CCN4: variants seen among roughly 807,000 people sequenced by gnomAD.
CCN4 encodes CCN family member 4.
A neutral mutation model predicts 36.7 loss-of-function variants in CCN4; 30 were observed. The observed-to-expected ratio is 0.82, with a 90% CI of 0.61 to 1.11. The LOEUF (loss-of-function observed/expected upper bound fraction) is 1.11, where lower values mean the gene tolerates loss of function less well. Ranked by LOEUF, CCN4 falls within the 50% of genes least tolerant of loss-of-function variation. The probability of loss-of-function intolerance (pLI) is 0.00; values close to 1 mark genes in which losing one functional copy is unlikely to be tolerated. For missense variants in CCN4, 505 were observed against 504.9 expected (o/e 1.00, Z 0.00); for synonymous variants, 191 against 195.4 (o/e 0.98, Z 0.19).
In CCN4 at chr8:133,220,737, AC is replaced by A. The variant is rs1256547824; in HGVS notation, c.509del (p.Pro170ArgfsTer4). 3.1e-6 allele frequency: 5 copies of A among 1,613,252 alleles called. No individual in the cohort carries two copies. The African/African-American group carries it at 6.7e-5, about 22-fold the overall frequency. ...RVRPPRLWCPHPRRVSIPGHC... is the reference protein window; with the variant it reads ...RVRPPRLWCPXPRRVSIPGHC... ...CGCCCCCCGCGTCTCTGGTGCCCCCACCCGCGGCGCGTGAGCATACCTGGCC... is the reference window on the plus strand; with the variant it reads ...CGCCCCCCGCGTCTCTGGTGCCCCCACCGCGGCGCGTGAGCATACCTGGCC... On this transcript the variant is annotated frameshift_variant, in exon 3 of 5. Transcript: ENST00000250160. LOFTEE classifies it high-confidence loss of function.
rs201677592 is a variant in CCN4, at chr8:133,212,878, C to T, written c.84C>T (p.Ala28=). ...TCCCCCCGCAGGCCCTCTCTCCAGCCCCTACGACCATGGACTTTACCCCAG... is the reference window on the plus strand; with the variant it reads ...TCCCCCCGCAGGCCCTCTCTCCAGCTCCTACGACCATGGACTTTACCCCAG... ...STVLATALSP[A]PTTMDFTPAP... The change falls in exon 2 of 5, where the codon GCC becomes GCT. Residue 28 remains alanine, a synonymous_variant. Coordinates refer to ENST00000250160, the MANE Select transcript of CCN4 (RefSeq NM_003882.4). 182 of 1,600,672 alleles carry T rather than the reference C, an allele frequency of 1.1e-4. 1 individual carries two copies. In the East Asian group the frequency reaches 1.9e-3, roughly 17 times the overall value.
At chr8:133,224,139 G>T (rs1854634862) in intron 3 of CCN4, among the ~76,000 whole-genome samples, 1 of 151,832 alleles carries the variant, frequency 6.6e-6, no homozygotes, top group South Asian at 2.1e-4. Context: ...AGGCAAGGAG[G>T]TGTGAGCTAG....
At position 133,214,853 on chromosome 8, in the gene CCN4, T is replaced by C. The variant is rs560794636; in HGVS notation, c.349+1710T>C. 1.4e-4 allele frequency among the ~76,000 whole-genome samples: 21 copies of C among 152,360 alleles called. No individual in the cohort carries two copies. The South Asian group carries it at 3.1e-3, about 23-fold the overall frequency. The stretch of plus-strand genomic sequence containing the variant: ...CCCCGTCACATAGTCACACACAACG[T>C]AGTCTCTCATCCTCAGCTAACCATT... On this transcript the variant is annotated intron_variant, in intron 2 of 4. Coordinates refer to ENST00000250160, the MANE Select transcript of CCN4 (RefSeq NM_003882.4).
chr8:133,227,341 G>C (rs1313238489), intron 4 of CCN4, 70 bp from the exon 5 acceptor site: 1 of 1,496,658 alleles, frequency 6.7e-7, no homozygotes, highest in African/African-American at 1.4e-5. Flanking sequence ...AAAAACTGGG[G>C]GCTCAGGGGA....
intron 1 of CCN4, among the ~76,000 whole-genome samples, chr8:133,192,288 C>G (rs557586389): frequency 6.6e-6 from 1 of 152,258 alleles, no homozygotes; most frequent in Non-Finnish European, 1.5e-5. Flanking sequence ...GAACTGAGGC[C>G]GAGAGCCGAC....
At chr8:133,203,956 A>T (rs927622255) in intron 1 of CCN4, among the ~76,000 whole-genome samples, 2 of 152,250 alleles carry the variant, frequency 1.3e-5, no homozygotes, top group Admixed American at 6.5e-5. Context: ...GAAATACACC[A>T]TAATAATCAG....
At chr8:133,206,270 T>G (rs1853768352) in intron 1 of CCN4, among the ~76,000 whole-genome samples, 1 of 151,976 alleles carries the variant, frequency 6.6e-6, no homozygotes, top group African/African-American at 2.4e-5. Context: ...CCCCAGATAT[T>G]CCCCCAGTGA....
intron 3 of CCN4, among the ~76,000 whole-genome samples, chr8:133,224,380 C>T (rs757983146): frequency 1.3e-5 from 2 of 151,748 alleles, no homozygotes; most frequent in African/African-American, 2.4e-5. Flanking sequence ...GCTGGGATTA[C>T]AGCACATGCC....
rs773946952 is a variant in CCN4 at position 133,213,185 on chromosome 8, C to T, written c.349+42C>T. 6 of 1,565,788 alleles carry T rather than the reference C, an allele frequency of 3.8e-6. No homozygotes were observed. In the South Asian group the frequency reaches 7.0e-5, roughly 18 times the overall value. On this transcript the variant is annotated intron_variant, in intron 2 of 4. Transcript: ENST00000250160. Reference sequence around the variant, plus strand: ...TACCTTCTGACCAGCCCCTGAGCACCCCCAGCTCTGGCCCCAAACCCCTCT... The same window carrying T: ...TACCTTCTGACCAGCCCCTGAGCACTCCCAGCTCTGGCCCCAAACCCCTCT...
At chr8:133,202,503 G>GA (rs990634770) in intron 1 of CCN4, among the ~76,000 whole-genome samples, 21 of 151,946 alleles carry the variant, frequency 1.4e-4, no homozygotes, top group Admixed American at 5.2e-4. Context: ...TCGTTATCTG[G>GA]AAAAAAAACC....
At position 133,197,521 on chromosome 8, in the gene CCN4, TC is replaced by T. The variant is rs568233413; in HGVS notation, c.69+6315del. 7.9e-5 allele frequency among the ~76,000 whole-genome samples: 12 copies of T among 151,342 alleles called. No individual in the cohort carries two copies. In the South Asian group the frequency reaches 1.3e-3, roughly 16 times the overall value. ...CCAGTGACCGAGATAGACTCTAGTC[TC>T]CCCCCCAGCTCTGACATTCCATTAA... On this transcript the variant is annotated intron_variant, in intron 1 of 4. Coordinates refer to ENST00000250160, the MANE Select transcript of CCN4 (RefSeq NM_003882.4).
chr8:133,205,144 G>A lies in CCN4; in HGVS notation c.70-7720G>A, dbSNP rs367945073. 1.8e-3 allele frequency among the ~76,000 whole-genome samples: 274 copies of A among 152,338 alleles called. 2 individuals are homozygous for A. In the South Asian group the frequency reaches 0.039, roughly 22 times the overall value. On this transcript the variant is annotated intron_variant, in intron 1 of 4. Coordinates refer to ENST00000250160, the MANE Select transcript of CCN4 (RefSeq NM_003882.4). ...CCCGGTGGGCTCAGAGGCTGCAGCA[G>A]GCAGAAGTGAGCAGGACCAGGCTGT...
chr8:133,224,229 CTTTTTTTTTTTTTTTT>C (rs59929763), intron 3 of CCN4, among the ~76,000 whole-genome samples: 1 of 88,494 alleles, frequency 1.1e-5, no homozygotes. Context: ...CCCGTAAGTC[CTTTTTTTTTTTTTTTT>C]TTTTTTTTTT....
chr8:133,223,951 A>T (rs1457335338), intron 3 of CCN4, among the ~76,000 whole-genome samples: 1 of 152,168 alleles, frequency 6.6e-6, no homozygotes, highest in Non-Finnish European at 1.5e-5. Flanking sequence ...AACATCCAAG[A>T]GTGGGTAGTT....
intron 2 of CCN4, among the ~76,000 whole-genome samples, chr8:133,214,621 C>T (rs938160275): frequency 2.6e-5 from 4 of 152,050 alleles, no homozygotes; most frequent in Non-Finnish European, 5.9e-5. Flanking sequence ...AACTTTCTGA[C>T]CCCCTGCTTC....
At chr8:133,224,483 A>G (rs1197899139) in intron 3 of CCN4, among the ~76,000 whole-genome samples, 3 of 151,526 alleles carry the variant, frequency 2.0e-5, no homozygotes, top group Non-Finnish European at 2.9e-5. Context: ...CAAGTGATCC[A>G]CCTGCTTTGG....
At chr8:133,196,771 C>T (rs1344573855) in intron 1 of CCN4, among the ~76,000 whole-genome samples, 1 of 152,170 alleles carries the variant, frequency 6.6e-6, no homozygotes, top group Non-Finnish European at 1.5e-5. Flanking sequence ...CCACAAGGCC[C>T]CAGAACACCC....
chr8:133,214,475 TG>T (rs1854242018), intron 2 of CCN4, among the ~76,000 whole-genome samples: 1 of 152,114 alleles, frequency 6.6e-6, no homozygotes, highest in Admixed American at 6.6e-5. Flanking sequence ...TCTTTATTCT[TG>T]GTGTATTCTG....
intron 1 of CCN4, among the ~76,000 whole-genome samples, chr8:133,210,613 G>C (rs946616773): frequency 6.6e-6 from 1 of 151,344 alleles, no homozygotes; most frequent in Non-Finnish European, 1.5e-5. Flanking sequence ...GCAGGGGGCT[G>C]CAGGCAAGAT....
Sources: allele counts gnomAD v4.1 joint callset (sites outside exome capture counted in the v4.1 genomes callset), GRCh38; gene constraint gnomAD v4.1.1; transcripts MANE v1.5; gene names NCBI Gene and HGNC (gene_info 2026-07-23, HGNC 2026-07-21).